The following DNMBP variants were observed in gnomAD, a reference collection of about 807,000 sequenced individuals.
DNMBP encodes the protein dynamin-binding protein.
In DNMBP, 87 loss-of-function variants were observed where a neutral mutation model predicts 150.0. The observed-to-expected ratio is 0.58, with a 90% CI of 0.49 to 0.69. The LOEUF (loss-of-function observed/expected upper bound fraction) is 0.69. Ranked by LOEUF, DNMBP falls within the 30% of genes least tolerant of loss-of-function variation. The pLI, the probability that DNMBP is intolerant of heterozygous loss-of-function variation, is 0.00. For missense variants in DNMBP, 1,774 were observed against 1,949.0 expected, an observed-to-expected ratio of 0.91 and a Z score of 1.69; for synonymous variants, 711 against 750.4, an observed-to-expected ratio of 0.95 and a Z score of 0.86.
chr10:99,987,512 T>C (rs1461497983), intron 1 of DNMBP, among the ~76,000 whole-genome samples: 1 of 152,090 alleles, frequency 6.6e-6, no homozygotes, highest in Admixed American at 6.5e-5. Context: ...GGCAGGTGGA[T>C]CACCTGAGGT....
In DNMBP at chr10:99,876,759, G is replaced by A. The variant is rs1392552059; in HGVS notation, c.*392C>T. Reference sequence around the variant, plus strand: ...AGTTGGCATCCGGTCAGCTGAGCATGGAACATGGGGCCACCCCAAACGCCG... The same window carrying A: ...AGTTGGCATCCGGTCAGCTGAGCATAGAACATGGGGCCACCCCAAACGCCG... On this transcript the variant is annotated 3_prime_UTR_variant, in exon 17 of 17. Coordinates refer to ENST00000324109, the MANE Select transcript of DNMBP (RefSeq NM_015221.4). The A allele has an allele frequency of 1.3e-5, 2 of 158,226 alleles. No homozygotes were observed. Among genetic ancestry groups the A allele is most frequent in the African/African-American group, 4.8e-5 (2 of 41,704 alleles). 9.8% of individuals were successfully genotyped at this position (158,226 alleles called of 1,614,324 possible).
At chr10:99,895,165 C>T (rs1002932300) in intron 10 of DNMBP, 115 bp from the exon 11 acceptor site, 49 of 603,562 alleles carry the variant, frequency 8.1e-5, no homozygotes, top group African/African-American at 3.7e-4. Context: ...TTGCTCTTGT[C>T]GTCCAGGTTG....
intron 1 of DNMBP, among the ~76,000 whole-genome samples, chr10:99,985,434 CCTT>C (rs2040818808): frequency 6.6e-6 from 1 of 152,122 alleles, no homozygotes; most frequent in Non-Finnish European, 1.5e-5. Flanking sequence ...AACTCAGTGT[CCTT>C]CTTTTTTTGA....
intron 10 of DNMBP, among the ~76,000 whole-genome samples, chr10:99,895,699 C>G (rs927175089): frequency 6.6e-6 from 1 of 152,190 alleles, no homozygotes; most frequent in Admixed American, 6.5e-5. Flanking sequence ...ATGCCTGCCC[C>G]CTTCCTATAA....
At position 99,956,900 on chromosome 10, in the gene DNMBP, C is replaced by T; in HGVS notation, c.574G>A (p.Gly192Ser). The T allele has an allele frequency of 6.2e-7, 1 of 1,614,210 alleles. No homozygotes were observed. The change falls in exon 4 of 17, where the codon GGC becomes AGC. Residue 192 changes from glycine (G) to serine (S), a missense_variant. By Grantham distance (56) the Gly-to-Ser change is moderately conservative. This residue lies in a region of DNMBP where 344 missense variants were observed against 456.6 expected (regional missense o/e 0.75). Coordinates refer to ENST00000324109, the MANE Select transcript of DNMBP (RefSeq NM_015221.4). ...WFEGELEGRRGIFPEGFVELL... is the reference protein window; with the variant it reads ...WFEGELEGRRSIFPEGFVELL... The stretch of plus-strand genomic sequence containing the variant: ...TCTACAAAACCTTCTGGAAAAATGC[C>T]TCTTCGGCCCTCTAACTCCCCTTCA...
chr10:99,986,594 C>CAAAAAAAAAAA lies in DNMBP; in HGVS notation c.-10-14471_-10-14461dup, dbSNP rs747726572. On this transcript the variant is annotated intron_variant, in intron 1 of 16. Transcript: ENST00000324109. The stretch of plus-strand genomic sequence containing the variant: ...TGGGAGACAGAGCAAGACTCCGTCT[C>CAAAAAAAAAAA]AAAAAAAAAAAAAAAAAAAAAAAAA... Among the ~76,000 whole-genome samples the CAAAAAAAAAAA allele has an allele frequency of 1.2e-3, 92 of 74,154 alleles. 13 individuals carry two copies. The highest frequency in any genetic ancestry group is 3.7e-3 in the African/African-American group (76 of 20,730). The allele number at this position is 74,154 out of a possible 152,430, so 48.6% of individuals were successfully genotyped here. A position where few individuals can be genotyped will look rare whatever the true frequency, so the allele number is the denominator to read the frequency against.
chr10:99,937,290 AGC>A (rs200184945), intron 4 of DNMBP, among the ~76,000 whole-genome samples: 4,254 of 152,280 alleles, frequency 0.028, 89 homozygotes, highest in Middle Eastern at 0.041. Context: ...CAGCAGCAGC[AGC>A]AACAGCCCAG....
intron 1 of DNMBP, among the ~76,000 whole-genome samples, chr10:99,976,598 A>G (rs2040730162): frequency 6.6e-6 from 1 of 152,234 alleles, no homozygotes; most frequent in Non-Finnish European, 1.5e-5. Context: ...ATAAAAGTAA[A>G]CAAGCTCTAA....
At chr10:100,001,413 G>GTTTTTT (rs531398004) in intron 1 of DNMBP, among the ~76,000 whole-genome samples, 2 of 111,270 alleles carry the variant, frequency 1.8e-5, no homozygotes, top group Non-Finnish European at 3.4e-5. Context: ...TGTTGTTGTT[G>GTTTTTT]TTTTTTTTTT....
rs148060016 is a variant in DNMBP at position 100,000,978 on chromosome 10, A to G, written c.-11+8860T>C. Reference sequence around the variant, plus strand: ...CCGGGCACGGTGGCTCACGCCTGTAATCCCAGCACTTTGGGAGGCCGAGGC... The same window carrying G: ...CCGGGCACGGTGGCTCACGCCTGTAGTCCCAGCACTTTGGGAGGCCGAGGC... On this transcript the variant is annotated intron_variant, in intron 1 of 16. Coordinates refer to ENST00000324109, the MANE Select transcript of DNMBP (RefSeq NM_015221.4). 3.3e-5 allele frequency among the ~76,000 whole-genome samples: 5 copies of G among 151,580 alleles called. 1 individual carries two copies. In the East Asian group the frequency reaches 9.7e-4, roughly 29 times the overall value.
intron 1 of DNMBP, among the ~76,000 whole-genome samples, chr10:99,994,580 C>T (rs1235114702): frequency 3.9e-5 from 6 of 152,154 alleles, no homozygotes; most frequent in East Asian, 1.9e-4. Context: ...TGCCCCTCTA[C>T]TCTAAGCTCT....
chr10:99,997,437 A>G (rs2040961571), intron 1 of DNMBP, among the ~76,000 whole-genome samples: 1 of 152,152 alleles, frequency 6.6e-6, no homozygotes, highest in African/African-American at 2.4e-5. Context: ...TTGGGGCCAG[A>G]CCAAACTACA....
Position 99,919,475 on chromosome 10 carries a change from T to C in DNMBP, c.2261-10329A>G, listed in dbSNP as rs3127319. 6.0e-3 allele frequency among the ~76,000 whole-genome samples: 916 copies of C among 152,346 alleles called. 12 individuals carry two copies. The highest frequency in any genetic ancestry group is 0.021 in the African/African-American group (866 of 41,596). On this transcript the variant is annotated intron_variant, in intron 4 of 16. Transcript: ENST00000324109. The stretch of plus-strand genomic sequence containing the variant: ...CCCACCTTCCTCCCCAAAAATCAGT[T>C]GATCTAAATTATAATCGTTTAAAGT...
chr10:99,936,980 C>CCTCT (rs1363537460), intron 4 of DNMBP, among the ~76,000 whole-genome samples: 1 of 152,142 alleles, frequency 6.6e-6, no homozygotes, highest in African/African-American at 2.4e-5. Flanking sequence ...CTCACTGCAA[C>CCTCT]CTCTACATCT....
At chr10:99,931,404 C>T (rs2040156592) in intron 4 of DNMBP, among the ~76,000 whole-genome samples, 1 of 152,180 alleles carries the variant, frequency 6.6e-6, no homozygotes, top group Non-Finnish European at 1.5e-5. Context: ...ACTCCAATCG[C>T]AAGCTGCTGA....
intron 1 of DNMBP, among the ~76,000 whole-genome samples, chr10:100,001,498 A>G (rs2041012761): frequency 7.4e-6 from 1 of 134,352 alleles, no homozygotes; most frequent in Non-Finnish European, 1.5e-5. Context: ...TGCAACCTCC[A>G]CCTCCCAGGT....
At chr10:100,009,685 G>T (rs564612491) in intron 1 of DNMBP, among the ~76,000 whole-genome samples, 153 bp downstream of exon 1, 1 of 151,742 alleles carries the variant, frequency 6.6e-6, no homozygotes, top group East Asian at 2.0e-4. Context: ...GCAGCACAGC[G>T]CCGCCGCTGG....
intron 9 of DNMBP, 71 bp from the exon 10 acceptor site, chr10:99,896,468 A>T: frequency 6.7e-7 from 1 of 1,485,788 alleles, no homozygotes; most frequent in Non-Finnish European, 9.4e-7. Context: ...AAATGAGATG[A>T]ACACCCAAAC....
In DNMBP at chr10:99,886,645, G is replaced by T. The variant is rs763343632; in HGVS notation, c.3286-13C>A. The T allele has an allele frequency of 1.9e-6, 3 of 1,603,746 alleles. No homozygotes were observed. Among genetic ancestry groups the T allele is most frequent in the South Asian group, 2.2e-5 (2 of 90,668 alleles). The stretch of plus-strand genomic sequence containing the variant: ...CTGTCCTCTCCTTCTGTAGGGACGA[G>T]AAAGGCACATTGCTCAGCTGGACAG... On this transcript the variant is annotated splice_polypyrimidine_tract_variant and intron_variant, in intron 12 of 16. Coordinates refer to ENST00000324109, the MANE Select transcript of DNMBP (RefSeq NM_015221.4).
Sources: allele counts gnomAD v4.1 joint callset (sites outside exome capture counted in the v4.1 genomes callset), GRCh38; gene constraint gnomAD v4.1.1; regional missense constraint gnomAD v4.1.1; transcripts MANE v1.5; gene names NCBI Gene and HGNC (gene_info 2026-07-23, HGNC 2026-07-21).